Variants in FRMD4A observed in about 807,000 individuals in gnomAD.
The protein encoded by FRMD4A is FERM domain-containing protein 4A.
FRMD4A carries 29 observed loss-of-function variants against 129.1 expected under a neutral mutation model. That is an observed-to-expected ratio of 0.22 (90% CI 0.17 to 0.31). The LOEUF is 0.31. Among genes scored for constraint, FRMD4A ranks in the 10% least tolerant of loss-of-function variants. FRMD4A has a pLI of 1.00. For synonymous variants in FRMD4A, 634 were observed against 571.6 expected, an observed-to-expected ratio of 1.11 and a Z score of -1.56; for missense variants, 1,272 against 1,375.8, an observed-to-expected ratio of 0.92 and a Z score of 1.19.
intron 3 of FRMD4A, among the ~76,000 whole-genome samples, chr10:13,839,188 T>C (rs1040112024): frequency 2.6e-5 from 4 of 151,844 alleles, no homozygotes; most frequent in Admixed American, 6.6e-5. Flanking sequence ...GTTTGTTTTT[T>C]AGAGATGGGG....
chr10:13,698,137 A>C (rs2086414185), intron 14 of FRMD4A, among the ~76,000 whole-genome samples: 1 of 152,186 alleles, frequency 6.6e-6, no homozygotes, highest in African/African-American at 2.4e-5. Context: ...AGATTTCCTT[A>C]AATGATTTGC....
At chr10:13,861,519 C>T (rs997437741) in intron 2 of FRMD4A, among the ~76,000 whole-genome samples, 1 of 152,176 alleles carries the variant, frequency 6.6e-6, no homozygotes, top group African/African-American at 2.4e-5. Flanking sequence ...CAGCCCCCAG[C>T]TCTGAGAAAA....
In FRMD4A at chr10:13,646,327, T is replaced by C. The variant is rs1049168672; in HGVS notation, c.*711A>G. 1.3e-5 allele frequency: 2 copies of C among 152,644 alleles called. No homozygotes were observed. The highest frequency in any genetic ancestry group is 2.9e-5 in the Non-Finnish European group (2 of 68,038). 9.5% of individuals were successfully genotyped at this position (152,644 alleles called of 1,614,324 possible). A position where few individuals can be genotyped will look rare whatever the true frequency, so the allele number is the denominator to read the frequency against. On this transcript the variant is annotated 3_prime_UTR_variant, in exon 25 of 25. Coordinates refer to ENST00000357447, the MANE Select transcript of FRMD4A (RefSeq NM_018027.5). ...CCCCTCTTAATTTTTTATGTTTTTA[T>C]TTATTTTTAATCTTTGGCAGCATAG...
At chr10:13,742,674 G>A (rs1324375653) in intron 9 of FRMD4A, among the ~76,000 whole-genome samples, 4 of 152,054 alleles carry the variant, frequency 2.6e-5, no homozygotes, top group Non-Finnish European at 4.4e-5. Context: ...GCACCACCAC[G>A]CCTGGCTAAT....
intron 2 of FRMD4A, among the ~76,000 whole-genome samples, chr10:14,219,804 G>A (rs1473722309): frequency 1.3e-5 from 2 of 152,118 alleles, no homozygotes; most frequent in African/African-American, 2.4e-5. Flanking sequence ...CTGCCGGCGG[G>A]GAGGAGAAAT....
chr10:13,945,796 C>G (rs1371530165), intron 2 of FRMD4A, among the ~76,000 whole-genome samples: 1 of 152,166 alleles, frequency 6.6e-6, no homozygotes, highest in African/African-American at 2.4e-5. Flanking sequence ...GGGAACTATG[C>G]ATTTGGCTGT....
intron 2 of FRMD4A, among the ~76,000 whole-genome samples, chr10:14,261,156 G>C (rs571662064): frequency 6.6e-6 from 1 of 152,222 alleles, no homozygotes; most frequent in South Asian, 2.1e-4. Context: ...CCTTCCCTGG[G>C]GCAGTTCGCC....
chr10:14,279,499 G>T (rs1238270711), intron 2 of FRMD4A, among the ~76,000 whole-genome samples: 1 of 152,018 alleles, frequency 6.6e-6, no homozygotes, highest in Non-Finnish European at 1.5e-5. Flanking sequence ...GTGCCCAGCT[G>T]GAAGTAAGAC....
At chr10:13,971,625 A>C in intron 2 of FRMD4A, 1 of 1,243,268 alleles carries the variant, frequency 8.0e-7, no homozygotes, top group Non-Finnish European at 1.1e-6. Context: ...CCCATGCTTC[A>C]AAGAAACGAA....
chr10:14,239,526 C>T (rs569630348), intron 2 of FRMD4A, among the ~76,000 whole-genome samples: 2 of 152,236 alleles, frequency 1.3e-5, no homozygotes, highest in Admixed American at 1.3e-4. Flanking sequence ...ACTAGGGAGG[C>T]TGAGGCAGGA....
At chr10:13,971,825 C>G in intron 2 of FRMD4A, 1 of 1,304,168 alleles carries the variant, frequency 7.7e-7, no homozygotes, top group Non-Finnish European at 1.0e-6. Flanking sequence ...TGCCGCCAAC[C>G]CTCTGGTCCC....
intron 2 of FRMD4A, among the ~76,000 whole-genome samples, chr10:14,103,827 C>A (rs1404725082): frequency 6.6e-6 from 1 of 152,120 alleles, no homozygotes; most frequent in Admixed American, 6.5e-5. Context: ...TATCATCTAT[C>A]TTTTTTCTAT....
At chr10:13,676,535 A>G (rs1411854080) in intron 15 of FRMD4A, among the ~76,000 whole-genome samples, 1 of 151,092 alleles carries the variant, frequency 6.6e-6, no homozygotes, top group East Asian at 1.9e-4. Flanking sequence ...TCAGCCTCCC[A>G]AAGTGCTGGG....
intron 2 of FRMD4A, among the ~76,000 whole-genome samples, chr10:14,185,492 T>A (rs1359732): frequency 2.6e-5 from 4 of 152,132 alleles, no homozygotes; most frequent in East Asian, 3.9e-4. Flanking sequence ...TTGTAATTTT[T>A]CTAACTTCAA....
intron 2 of FRMD4A, among the ~76,000 whole-genome samples, chr10:14,174,464 C>T (rs1310721537): frequency 1.3e-5 from 2 of 152,192 alleles, no homozygotes; most frequent in South Asian, 2.1e-4. Context: ...GGGGCTGAGC[C>T]GGAGCATCCA....
At chr10:13,958,512 T>C (rs556902419) in intron 2 of FRMD4A, among the ~76,000 whole-genome samples, 73 of 152,056 alleles carry the variant, frequency 4.8e-4, no homozygotes, top group Middle Eastern at 3.4e-3. Flanking sequence ...CTTGATCTCT[T>C]GACCTTGTGA....
chr10:13,654,653 G>T (rs2081984553), intron 22 of FRMD4A, 141 bp from the exon 23 acceptor site: 4 of 619,024 alleles, frequency 6.5e-6, no homozygotes, highest in Non-Finnish European at 5.8e-6. Flanking sequence ...CCCAGAGCAG[G>T]GTCTCAGCAT....
In FRMD4A at chr10:14,171,154, T is replaced by C. The variant is rs142491383; in HGVS notation, c.45+158904A>G. ...ACATTAAAAAAATTCACGGACATGA[T>C]TGATTATAAAATGATTTCCTTTACT... is the stretch of plus-strand genomic sequence containing the variant. On this transcript the variant is annotated intron_variant, in intron 2 of 24. Transcript: ENST00000357447. 2.5e-3 allele frequency among the ~76,000 whole-genome samples: 381 copies of C among 152,202 alleles called. 3 individuals are homozygous for C. The highest frequency in any genetic ancestry group is 8.9e-3 in the African/African-American group (371 of 41,532).
chr10:13,855,621 A>G (rs1252433833), intron 3 of FRMD4A, among the ~76,000 whole-genome samples: 1 of 152,196 alleles, frequency 6.6e-6, no homozygotes, highest in East Asian at 1.9e-4. Context: ...GGCTTATTAC[A>G]AATGTTCTGA....
Sources: allele counts gnomAD v4.1 joint callset (sites outside exome capture counted in the v4.1 genomes callset), GRCh38; gene constraint gnomAD v4.1.1; transcripts MANE v1.5; gene names NCBI Gene and HGNC (gene_info 2026-07-23, HGNC 2026-07-21).